The following CADPS variants were observed in gnomAD, a reference collection of about 807,000 sequenced individuals.
CADPS encodes the protein calcium-dependent secretion activator 1.
In CADPS, 57 loss-of-function variants were observed where a neutral mutation model predicts 167.3. That is an observed-to-expected ratio of 0.34 (90% CI 0.28 to 0.42). The LOEUF is 0.42. Ranked by LOEUF, CADPS falls within the 20% of genes least tolerant of loss-of-function variation. The pLI is 1.00. For synonymous variants in CADPS, 676 were observed against 635.3 expected (o/e 1.06, Z -0.96); for missense variants, 1,414 against 1,738.1 (o/e 0.81, Z 3.32).
chr3:62,422,916 C>A (rs920152448), intron 28 of CADPS, among the ~76,000 whole-genome samples: 2 of 152,134 alleles, frequency 1.3e-5, no homozygotes, highest in African/African-American at 4.8e-5. Flanking sequence ...TAAGCTGCTA[C>A]CCTAAACCAT....
rs1273871950 is a variant in CADPS at position 62,516,769 on chromosome 3, G to A, written c.2394-126C>T. 7.5e-6 allele frequency: 5 copies of A among 662,270 alleles called. No individual in the cohort carries two copies. In the Admixed American group the frequency reaches 1.0e-4, roughly 14 times the overall value. 41.0% of individuals were successfully genotyped at this position (662,270 alleles called of 1,614,324 possible). The stretch of plus-strand genomic sequence containing the variant: ...AATGCTTTTTATTTTGTCACGTTGT[G>A]TTATGTTAATCTGAATTCACACCAT... On this transcript the variant is annotated intron_variant, in intron 14 of 29. Transcript: ENST00000383710.
At chr3:62,658,621 C>T (rs2072338881) in intron 4 of CADPS, among the ~76,000 whole-genome samples, 1 of 152,056 alleles carries the variant, frequency 6.6e-6, no homozygotes, top group Non-Finnish European at 1.5e-5. Flanking sequence ...GTATCTGGCA[C>T]ATAGGAAAAC....
chr3:62,535,844 T>C (rs1303360629), intron 12 of CADPS, among the ~76,000 whole-genome samples: 1 of 152,050 alleles, frequency 6.6e-6, no homozygotes. Flanking sequence ...CAGGAAATAT[T>C]GATACTCCTG....
intron 1 of CADPS, among the ~76,000 whole-genome samples, chr3:62,871,872 A>C (rs944653434): frequency 2.0e-5 from 3 of 152,196 alleles, no homozygotes; most frequent in African/African-American, 7.2e-5. Flanking sequence ...ACCGTATATC[A>C]ATTTTTCAGT....
At chr3:62,430,794 C>A (rs1052486062) in intron 28 of CADPS, among the ~76,000 whole-genome samples, 52 of 152,070 alleles carry the variant, frequency 3.4e-4, no homozygotes, top group African/African-American at 1.1e-3. Flanking sequence ...TCATTTCCCT[C>A]CAACTTGTCT....
At chr3:62,481,943 T>A (rs535406453) in intron 21 of CADPS, 74 bp from the exon 22 acceptor site, 5 of 1,437,098 alleles carry the variant, frequency 3.5e-6, no homozygotes, top group Non-Finnish European at 4.8e-6. Flanking sequence ...CACACGACAA[T>A]TGTAAATAAA....
intron 13 of CADPS, among the ~76,000 whole-genome samples, chr3:62,531,583 GAC>G (rs1011796417): frequency 6.6e-6 from 1 of 152,186 alleles, no homozygotes; most frequent in Non-Finnish European, 1.5e-5. Context: ...GAAGACGACT[GAC>G]ACAGTTCTGA....
At chr3:62,474,369 A>T in intron 23 of CADPS, 49 bp from the exon 24 acceptor site, 1 of 1,570,312 alleles carries the variant, frequency 6.4e-7, no homozygotes. Context: ...AGATGGCAGC[A>T]GGTGGAGGAG....
chr3:62,588,486 G>A (rs1337096313), intron 7 of CADPS, among the ~76,000 whole-genome samples: 1 of 152,060 alleles, frequency 6.6e-6, no homozygotes, highest in East Asian at 1.9e-4. Flanking sequence ...GGGTTGGGAA[G>A]GATGCAGGAA....
Position 62,445,642 on chromosome 3 carries a change from C to T in CADPS, c.3669+123G>A, listed in dbSNP as rs573122521. On this transcript the variant is annotated intron_variant, in intron 27 of 29. Transcript: ENST00000383710. ...TTTCTGATGATCCAAGTCAGCAACA[C>T]ACAGTTTAGCTAGCAGCAATTAATA... 10 of 586,872 alleles carry T rather than the reference C, an allele frequency of 1.7e-5. No homozygotes were observed. In the South Asian group the frequency reaches 2.9e-4, roughly 17 times the overall value. 36.4% of individuals were successfully genotyped at this position (586,872 alleles called of 1,614,324 possible).
At chr3:62,759,082 T>C (rs2152458294) in intron 2 of CADPS, among the ~76,000 whole-genome samples, 1 of 152,284 alleles carries the variant, frequency 6.6e-6, no homozygotes, top group African/African-American at 2.4e-5. Flanking sequence ...ACATAAATAA[T>C]GAAAGGGGTA....
chr3:62,441,945 A>G (rs560687601), intron 27 of CADPS, among the ~76,000 whole-genome samples: 59 of 152,334 alleles, frequency 3.9e-4, no homozygotes, highest in Non-Finnish European at 8.2e-4. Context: ...AATTATGTGA[A>G]GAACTTAATG....
intron 17 of CADPS, chr3:62,499,922 A>C (rs1044263426): frequency 7.2e-5 from 11 of 152,162 alleles, no homozygotes; most frequent in Admixed American, 5.2e-4. Context: ...TATCAGTTAA[A>C]CTGAAACAAT....
chr3:62,637,266 G>A (rs765731556), intron 6 of CADPS, among the ~76,000 whole-genome samples: 5 of 152,136 alleles, frequency 3.3e-5, no homozygotes, highest in African/African-American at 7.2e-5. Context: ...GCTGGTGAAC[G>A]GTGAAACTGT....
intron 3 of CADPS, among the ~76,000 whole-genome samples, chr3:62,686,224 T>C (rs1361757572): frequency 6.6e-6 from 1 of 152,046 alleles, no homozygotes; most frequent in East Asian, 1.9e-4. Context: ...CCTGCATGTT[T>C]TAGCAAACAG....
chr3:62,617,103 C>G lies in CADPS; in HGVS notation c.1326-24355G>C, dbSNP rs140639114. 3.5e-3 allele frequency among the ~76,000 whole-genome samples: 537 copies of G among 152,236 alleles called. 7 individuals carry two copies. Among genetic ancestry groups the G allele is most frequent in the African/African-American group, 0.012 (507 of 41,540 alleles). ...GGAGTGCTGCAAAGATGTCTAGCTC[C>G]TGGTTTGTCTTAGTTCATTTGAAGA... is the stretch of plus-strand genomic sequence containing the variant. On this transcript the variant is annotated intron_variant, in intron 6 of 29. Coordinates refer to ENST00000383710, the MANE Select transcript of CADPS (RefSeq NM_003716.4).
intron 21 of CADPS, among the ~76,000 whole-genome samples, chr3:62,484,803 A>G (rs1182387822): frequency 6.6e-6 from 1 of 152,132 alleles, no homozygotes; most frequent in Non-Finnish European, 1.5e-5. Context: ...TTTCTCAAAG[A>G]TTTTGGCTTT....
At chr3:62,846,039 A>G (rs11917603) in intron 1 of CADPS, among the ~76,000 whole-genome samples, 29,935 of 145,296 alleles carry the variant, frequency 0.21, 3,310 homozygotes, top group Middle Eastern at 0.37. Context: ...GAAAGTGTAT[A>G]TCATTTCCCC....
At chr3:62,730,662 T>G (rs78997989) in intron 3 of CADPS, among the ~76,000 whole-genome samples, 2,533 of 152,312 alleles carry the variant, frequency 0.017, 73 homozygotes, top group African/African-American at 0.058. Flanking sequence ...TGCACCAGAC[T>G]GGGAGACCAG....
Sources: gnomAD v4.1 joint callset for allele counts (sites outside exome capture counted in the v4.1 genomes callset) on GRCh38, gnomAD v4.1.1 for gene constraint, MANE v1.5 for transcripts, NCBI Gene and HGNC (gene_info 2026-07-23, HGNC 2026-07-21) for gene names.